ELMO2: variants seen among roughly 807,000 people sequenced by gnomAD.
ELMO2 encodes the protein engulfment and cell motility protein 2.
Under a neutral mutation model 96.2 loss-of-function variants are expected in ELMO2, and 37 were observed. The observed-to-expected ratio is 0.38, with a 90% CI of 0.30 to 0.51. ELMO2 has a LOEUF of 0.51. Among genes scored for constraint, ELMO2 ranks in the 20% least tolerant of loss-of-function variants. The pLI is 0.88. For synonymous variants in ELMO2, 315 were observed against 329.4 expected (o/e 0.96, Z 0.47); for missense variants, 561 against 912.6 (o/e 0.61, Z 4.96).
intron 11 of ELMO2, among the ~76,000 whole-genome samples, chr20:46,378,165 G>A (rs1808410848): frequency 6.6e-6 from 1 of 152,208 alleles, no homozygotes; most frequent in South Asian, 2.1e-4. Context: ...ATGGCTTAAA[G>A]AAGTACAGCT....
At chr20:46,374,209 T>G in intron 15 of ELMO2, 123 bp downstream of exon 15, 3 of 683,648 alleles carry the variant, frequency 4.4e-6, no homozygotes, top group Non-Finnish European at 7.6e-6. Context: ...CCCAAAGTGC[T>G]GAGATTACAG....
chr20:46,373,703 C>T (rs1490904427), intron 15 of ELMO2, among the ~76,000 whole-genome samples, 168 bp from the exon 16 acceptor site: 1 of 152,072 alleles, frequency 6.6e-6, no homozygotes, highest in Non-Finnish European at 1.5e-5. Flanking sequence ...CTTTCTTCTC[C>T]AGGGTGCATT....
Position 46,367,689 on chromosome 20 carries a change from T to C in ELMO2, c.1963-129A>G. 3 of 541,704 alleles carry C rather than the reference T, an allele frequency of 5.5e-6. No homozygotes were observed. The South Asian group carries it at 1.5e-4, about 27-fold the overall frequency. 33.6% of individuals were successfully genotyped at this position (541,704 alleles called of 1,614,324 possible). A position where few individuals can be genotyped will look rare whatever the true frequency, so the allele number is the denominator to read the frequency against. On this transcript the variant is annotated intron_variant, in intron 21 of 21. Coordinates refer to ENST00000290246, the MANE Select transcript of ELMO2 (RefSeq NM_133171.5). ...CTAATCAGTATAGGCAAAACTGATTTGGAATGATAGCAAAGATAAATTAGG... is the reference window on the plus strand; with the variant it reads ...CTAATCAGTATAGGCAAAACTGATTCGGAATGATAGCAAAGATAAATTAGG...
In ELMO2 at chr20:46,374,312, AG is replaced by A. The variant is rs76979752; in HGVS notation, c.1279+19del. The A allele has an allele frequency of 0.087, 137,649 of 1,584,738 alleles. 8,251 individuals are homozygous for A. Among genetic ancestry groups the A allele is most frequent in the African/African-American group, 0.29 (21,795 of 74,226 alleles). Reference sequence around the variant, plus strand: ...TGATGACAAGGAATGGCTGAAGAAGAGGGAGCTGCAGAGACTTACGTAGTTC... The same window carrying A: ...TGATGACAAGGAATGGCTGAAGAAGAGGAGCTGCAGAGACTTACGTAGTTC... On this transcript the variant is annotated intron_variant, in intron 15 of 21. Transcript: ENST00000290246.
At chr20:46,393,332 C>T (rs528926664) in intron 5 of ELMO2, among the ~76,000 whole-genome samples, 189 bp from the exon 6 acceptor site, 1 of 152,266 alleles carries the variant, frequency 6.6e-6, no homozygotes, top group South Asian at 2.1e-4. Context: ...ACCCTGGGCA[C>T]TCAGGAAGTA....
At chr20:46,395,181 C>T (rs534576314) in intron 2 of ELMO2, among the ~76,000 whole-genome samples, 7 of 152,286 alleles carry the variant, frequency 4.6e-5, no homozygotes, top group African/African-American at 9.6e-5. Flanking sequence ...TAAGGATATC[C>T]TCACACAAGG....
chr20:46,376,978 C>T lies in ELMO2; in HGVS notation c.808-1188G>A, dbSNP rs143612907. 9.5e-4 allele frequency: 362 copies of T among 382,110 alleles called. 2 individuals carry two copies. The highest frequency in any genetic ancestry group is 3.0e-3 in the South Asian group (141 of 47,186). The allele number at this position is 382,110 out of a possible 1,614,324, so 23.7% of individuals were successfully genotyped here. ...GCTAGCGGCTACAGCAATGCAGATA[C>T]GGAACACTTCCATTAACAGAGTTCT... On this transcript the variant is annotated intron_variant, in intron 11 of 21. Coordinates refer to ENST00000290246, the MANE Select transcript of ELMO2 (RefSeq NM_133171.5).
chr20:46,372,556 C>T (rs2059744464), intron 16 of ELMO2, among the ~76,000 whole-genome samples: 1 of 152,114 alleles, frequency 6.6e-6, no homozygotes, highest in Non-Finnish European at 1.5e-5. Context: ...ACTTCAACCT[C>T]GGAGGTGGAG....
chr20:46,373,212 C>T (rs538436560), intron 16 of ELMO2, 187 bp downstream of exon 16: 7 of 696,976 alleles, frequency 1.0e-5, no homozygotes, highest in African/African-American at 9.0e-5. Flanking sequence ...GGAAGACAAG[C>T]TCAAGGTCAC....
chr20:46,405,477 C>CA (rs1412442522), intron 1 of ELMO2, among the ~76,000 whole-genome samples: 1 of 152,194 alleles, frequency 6.6e-6, no homozygotes, highest in African/African-American at 2.4e-5. Flanking sequence ...GACGAGTAGA[C>CA]AGACTTGGGA....
intron 3 of ELMO2, 104 bp downstream of exon 3, chr20:46,394,300 GT>G: frequency 7.4e-7 from 1 of 1,358,424 alleles, no homozygotes; most frequent in Non-Finnish European, 1.0e-6. Flanking sequence ...CCTGTTGCTC[GT>G]TCTTACTCTT....
chr20:46,404,033 G>A (rs2206499), intron 1 of ELMO2, among the ~76,000 whole-genome samples: 20,463 of 152,082 alleles, frequency 0.13, 2,139 homozygotes, highest in African/African-American at 0.29. Context: ...GCAGTTAGCC[G>A]AGATGGCACC....
At chr20:46,380,631 G>C (rs2059939028) in intron 10 of ELMO2, among the ~76,000 whole-genome samples, 1 of 152,204 alleles carries the variant, frequency 6.6e-6, no homozygotes, top group African/African-American at 2.4e-5. Context: ...CATGGACACA[G>C]AGCAGTGTGA....
chr20:46,381,493 A>G (rs78312179), intron 10 of ELMO2, among the ~76,000 whole-genome samples: 3,892 of 152,346 alleles, frequency 0.026, 67 homozygotes, highest in Non-Finnish European at 0.037. Context: ...TAATGCTGCC[A>G]GGAACATTAA....
intron 9 of ELMO2, among the ~76,000 whole-genome samples, chr20:46,383,887 G>C (rs1043927125): frequency 2.0e-5 from 3 of 152,138 alleles, no homozygotes; most frequent in African/African-American, 7.2e-5. Flanking sequence ...TGAACCCCAG[G>C]AATGATACAG....
At chr20:46,378,843 G>A (rs2059906970) in intron 11 of ELMO2, among the ~76,000 whole-genome samples, 2 of 152,242 alleles carry the variant, frequency 1.3e-5, no homozygotes, top group African/African-American at 4.8e-5. Flanking sequence ...GTCCAGAGAA[G>A]TTATGTGAAA....
At chr20:46,397,250 T>C (rs2060260621) in intron 2 of ELMO2, among the ~76,000 whole-genome samples, 1 of 152,212 alleles carries the variant, frequency 6.6e-6, no homozygotes, top group Admixed American at 6.5e-5. Context: ...GACTCTGTCC[T>C]TCCCACAAAG....
chr20:46,393,377 A>C, intron 5 of ELMO2, 152 bp downstream of exon 5: 1 of 974,488 alleles, frequency 1.0e-6, no homozygotes, highest in Non-Finnish European at 1.6e-6. Flanking sequence ...GGGAAGAACA[A>C]GGGCTGGTGT....
intron 5 of ELMO2, 100 bp from the exon 6 acceptor site, chr20:46,393,243 G>A (rs2060184123): frequency 8.2e-7 from 1 of 1,213,302 alleles, no homozygotes; most frequent in Admixed American, 1.8e-5. Context: ...TTTTACAGTA[G>A]ATGTAACTGA....
Sources: allele counts gnomAD v4.1 joint callset (sites outside exome capture counted in the v4.1 genomes callset), GRCh38; gene constraint gnomAD v4.1.1; transcripts MANE v1.5; gene names NCBI Gene and HGNC (gene_info 2026-07-23, HGNC 2026-07-21).